The following KDM2B variants were observed in gnomAD, a reference collection of about 807,000 sequenced individuals.
KDM2B encodes lysine demethylase 2B, also known as lysine-specific demethylase 2B.
A neutral mutation model predicts 150.0 loss-of-function variants in KDM2B; 26 were observed. The ratio of observed to expected loss-of-function variants is 0.17; its 90% CI spans 0.13 to 0.24. The LOEUF (loss-of-function observed/expected upper bound fraction) is 0.24. Among genes scored for constraint, KDM2B ranks in the 10% least tolerant of loss-of-function variants. The pLI is 1.00. For missense variants in KDM2B, 1,265 were observed against 1,816.9 expected, an observed-to-expected ratio of 0.70 and a Z score of 5.52; for synonymous variants, 734 against 729.5, an observed-to-expected ratio of 1.01 and a Z score of -0.10.
rs1555305888 is a variant in KDM2B, at chr12:121,521,152, C to T, written c.932-52G>A. Reference sequence around the variant, plus strand: ...TGAGCCGCTGGCCCCTGTGGGCTCCCACACCTCACAAGGCTGCAGGGAGGG... The same window carrying T: ...TGAGCCGCTGGCCCCTGTGGGCTCCTACACCTCACAAGGCTGCAGGGAGGG... On this transcript the variant is annotated intron_variant, in intron 8 of 22. Transcript: ENST00000377071. The surrounding 1 kb of genome is among the most constrained non-coding windows in gnomAD (Gnocchi z 4.9). 1 of 1,271,364 alleles carries T rather than the reference C, an allele frequency of 7.9e-7. No individual in the cohort carries two copies. Among genetic ancestry groups the T allele is most frequent in the Non-Finnish European group, 1.1e-6 (1 of 872,634 alleles). 78.8% of individuals were successfully genotyped at this position (1,271,364 alleles called of 1,614,324 possible).
intron 4 of KDM2B, among the ~76,000 whole-genome samples, chr12:121,565,612 C>G (rs535393379): frequency 6.6e-6 from 1 of 151,928 alleles, no homozygotes; most frequent in Admixed American, 6.6e-5. Flanking sequence ...GCCACCGCGC[C>G]TGGCCAAGAG....
In KDM2B at chr12:121,513,371, T is replaced by C. The variant is rs1165263615; in HGVS notation, c.1079A>G (p.Tyr360Cys). ...CTCCAGGACATACCAGCACATCTCA[T>C]AGTAGAAGGGGTAACGGAATTTGGG... ...VQPKFRYPFY[Y>C]EMCWYVLERY... is the part of the protein sequence containing the mutation. Residue 360 changes from tyrosine (Y) to cysteine (C), a missense_variant, in exon 10 of 23, where the codon TAT (tyrosine) becomes TGT (cysteine). Physicochemically the swap from Tyr to Cys is radical, Grantham distance 194. This residue lies in a region of KDM2B where 214 missense variants were observed against 447.4 expected (regional missense o/e 0.48). Coordinates refer to ENST00000377071, the MANE Select transcript of KDM2B (RefSeq NM_032590.5). This position sits in a 1 kb window ranked among gnomAD's most constrained non-coding sequence, Gnocchi z 5.0. The C allele has an allele frequency of 6.2e-6, 10 of 1,612,586 alleles. No individual in the cohort carries two copies. The highest frequency in any genetic ancestry group is 7.6e-6 in the Non-Finnish European group (9 of 1,179,224).
In KDM2B at chr12:121,495,233, C is replaced by A. The variant is rs535870556; in HGVS notation, c.1648-568G>T. On this transcript the variant is annotated intron_variant, in intron 11 of 22. Transcript: ENST00000377071. ...CTGGAGTTCAGTGGCGCAATCTGGG[C>A]TCAAGCAACTTCTGCCTCTTGGGTT... Among the ~76,000 whole-genome samples, 9 of 151,910 alleles carry A rather than the reference C, an allele frequency of 5.9e-5. No individual in the cohort carries two copies. The East Asian group carries it at 1.7e-3, about 29-fold the overall frequency.
In KDM2B at chr12:121,580,953, G is replaced by T; in HGVS notation, c.-42C>A. The T allele has an allele frequency of 6.2e-7, 1 of 1,607,920 alleles. No individual in the cohort carries two copies. Among genetic ancestry groups the T allele is most frequent in the Non-Finnish European group, 8.5e-7 (1 of 1,177,668 alleles). On this transcript the variant is annotated 5_prime_UTR_variant, in exon 1 of 23. Transcript: ENST00000377071. ...GGGGGCTCAGAAGGAAATTAGCTCG[G>T]CTTCCATACCTATAAGGACTGCCTA...
intron 11 of KDM2B, among the ~76,000 whole-genome samples, chr12:121,495,520 A>C (rs1555300811): frequency 6.6e-6 from 1 of 152,060 alleles, no homozygotes; most frequent in Non-Finnish European, 1.5e-5. Context: ...AGCTTGTCTC[A>C]AACTCCTGGC....
intron 6 of KDM2B, among the ~76,000 whole-genome samples, chr12:121,539,330 A>C (rs1555309314): frequency 5.2e-5 from 3 of 57,322 alleles, no homozygotes; most frequent in Non-Finnish European, 1.3e-4. Context: ...CTCTCCCAAA[A>C]AAAAAAAAAA....
intron 8 of KDM2B, among the ~76,000 whole-genome samples, chr12:121,525,547 C>T (rs1355941939): frequency 6.6e-6 from 1 of 152,126 alleles, no homozygotes; most frequent in Non-Finnish European, 1.5e-5. Context: ...CACCGTGCCA[C>T]GCCAGTACAT....
In KDM2B at chr12:121,532,695, G is replaced by T. The variant is rs1412663876; in HGVS notation, c.931+111C>A. 2.6e-6 allele frequency: 3 copies of T among 1,151,010 alleles called. No individual in the cohort carries two copies. The East Asian group carries it at 7.1e-5, about 27-fold the overall frequency. 71.3% of individuals were successfully genotyped at this position (1,151,010 alleles called of 1,614,324 possible). A position where few individuals can be genotyped will look rare whatever the true frequency, so the allele number is the denominator to read the frequency against. On this transcript the variant is annotated intron_variant, in intron 8 of 22. Coordinates refer to ENST00000377071, the MANE Select transcript of KDM2B (RefSeq NM_032590.5). ...CCACGGCTGGCTCCCCTCGGGGACT[G>T]CCAATGGCCTGTCAAACCCACCAGG...
At chr12:121,450,083 G>A (rs1291984636) in intron 13 of KDM2B, among the ~76,000 whole-genome samples, 6 of 152,146 alleles carry the variant, frequency 3.9e-5, no homozygotes, top group African/African-American at 1.4e-4. Flanking sequence ...GGCCAAGGCG[G>A]GAGGGTGATC....
intron 2 of KDM2B, among the ~76,000 whole-genome samples, chr12:121,577,389 G>A (rs1891569866): frequency 6.6e-6 from 1 of 152,192 alleles, no homozygotes; most frequent in South Asian, 2.1e-4. Context: ...GGGAAGAAAG[G>A]AGAGGAATTA....
chr12:121,565,393 C>G (rs782329479), intron 4 of KDM2B, among the ~76,000 whole-genome samples: 1 of 150,470 alleles, frequency 6.6e-6, no homozygotes, highest in Admixed American at 6.6e-5. Flanking sequence ...CTCAGCAGAC[C>G]GCAACTTCCA....
chr12:121,551,285 G>C (rs1381831388), intron 4 of KDM2B, among the ~76,000 whole-genome samples: 4 of 152,082 alleles, frequency 2.6e-5, no homozygotes, highest in African/African-American at 4.8e-5. Flanking sequence ...AGAGGTGGGA[G>C]GATGGTGCTT....
At chr12:121,510,586 A>T (rs1885499631) in intron 10 of KDM2B, among the ~76,000 whole-genome samples, 1 of 152,162 alleles carries the variant, frequency 6.6e-6, no homozygotes, top group African/African-American at 2.4e-5. Context: ...TGAGCCCAGG[A>T]GTTTGAGACC....
At chr12:121,559,243 G>A (rs1391145628) in intron 4 of KDM2B, among the ~76,000 whole-genome samples, 1 of 151,888 alleles carries the variant, frequency 6.6e-6, no homozygotes. Context: ...CTTAGGAGCA[G>A]AAGGTCGGGA....
chr12:121,476,106 C>A (rs1555296739), intron 12 of KDM2B, among the ~76,000 whole-genome samples: 8 of 102,466 alleles, frequency 7.8e-5, no homozygotes, highest in Non-Finnish European at 2.0e-5. Context: ...ACCAGCCTGG[C>A]CAACATGGTG....
At chr12:121,570,709 A>G (rs1439538442) in intron 4 of KDM2B, among the ~76,000 whole-genome samples, 2 of 152,176 alleles carry the variant, frequency 1.3e-5, no homozygotes, top group Non-Finnish European at 1.5e-5. Flanking sequence ...GAACCCCTAC[A>G]CACTGCTTAT....
rs1018112726 is a variant in KDM2B at position 121,578,941 on chromosome 12, C to A, written c.132G>T (p.Pro44=). The A allele has an allele frequency of 6.2e-7, 1 of 1,611,824 alleles. No individual in the cohort carries two copies. The highest frequency in any genetic ancestry group is 8.5e-7 in the Non-Finnish European group (1 of 1,179,346). ...TCTCGTCGTATCGCTGGCGGTCAAT[C>A]GGGCGCTGCGAGGACCCAAACCAGA... is the stretch of plus-strand genomic sequence containing the variant. The part of the protein sequence containing the change: ...CFEFESATQR[P]IDRQRYDENE... The change falls in exon 2 of 23, where the codon CCG becomes CCT. Residue 44 remains proline, a synonymous_variant. Coordinates refer to ENST00000377071, the MANE Select transcript of KDM2B (RefSeq NM_032590.5).
At chr12:121,527,264 G>C (rs1887222438) in intron 8 of KDM2B, among the ~76,000 whole-genome samples, 1 of 143,604 alleles carries the variant, frequency 7.0e-6, no homozygotes, top group Non-Finnish European at 1.5e-5. Flanking sequence ...CACCGTGTTA[G>C]CCAGGATGGT....
At chr12:121,410,545 CA>C in the KDM2B span, among the ~76,000 whole-genome samples, 77,874 of 137,526 alleles carry the variant, frequency 0.57, 20,670 homozygotes, top group East Asian at 0.69. Flanking sequence ...TCAAAACCAC[CA>C]AAAAAAAAAA....
Sources: allele counts gnomAD v4.1 joint callset (sites outside exome capture counted in the v4.1 genomes callset), GRCh38; gene constraint gnomAD v4.1.1; regional missense constraint gnomAD v4.1.1; non-coding constraint Gnocchi (gnomAD v3.1); transcripts MANE v1.5; gene names NCBI Gene and HGNC (gene_info 2026-07-23, HGNC 2026-07-21).